Variants in ASPH observed in about 807,000 individuals in gnomAD.
ASPH encodes aspartyl/asparaginyl beta-hydroxylase.
Under a neutral mutation model 118.4 loss-of-function variants are expected in ASPH, and 100 were observed. That is an observed-to-expected ratio of 0.84 (90% CI 0.72 to 1.00). The LOEUF is 1.00. Among genes scored for constraint, ASPH ranks in the 50% least tolerant of loss-of-function variants. ASPH has a pLI of 0.00. For synonymous variants in ASPH, 315 were observed against 325.6 expected, an observed-to-expected ratio of 0.97 and a Z score of 0.35; for missense variants, 920 against 919.5, an observed-to-expected ratio of 1.00 and a Z score of -0.01.
intron 13 of ASPH, among the ~76,000 whole-genome samples, chr8:61,621,686 A>G (rs1850976295): frequency 6.6e-6 from 1 of 152,250 alleles, no homozygotes; most frequent in Non-Finnish European, 1.5e-5. Flanking sequence ...TAGAGAGGCT[A>G]AAGAATCTTG....
At position 61,687,934 on chromosome 8, in the gene ASPH, A is replaced by G. The variant is rs182914645; in HGVS notation, c.104-3746T>C. On this transcript the variant is annotated intron_variant, in intron 1 of 24. Transcript: ENST00000379454. ...AGTTCCACAAAGGAACAAAATACTA[A>G]GTTATGGAAGGGATTCTTTTTTAAG... Among the ~76,000 whole-genome samples, 498 of 152,292 alleles carry G rather than the reference A, an allele frequency of 3.3e-3. 7 individuals are homozygous for G. Among genetic ancestry groups the G allele is most frequent in the African/African-American group, 0.011 (464 of 41,570 alleles).
At position 61,548,188 on chromosome 8, in the gene ASPH, A is replaced by C; in HGVS notation, c.1647T>G (p.Leu549=). The C allele has an allele frequency of 6.2e-7, 1 of 1,613,824 alleles. No individual in the cohort carries two copies. The highest frequency in any genetic ancestry group is 8.5e-7 in the Non-Finnish European group (1 of 1,179,810). ...ATGCAAAGTGTCCTCTCTTGTGCCCAAGCTCATACCACTTATATGCCTGAA... is the reference window on the plus strand; with the variant it reads ...ATGCAAAGTGTCCTCTCTTGTGCCCCAGCTCATACCACTTATATGCCTGAA... ...GNKEAYKWYE[L]GHKRGHFASV... The change falls in exon 21 of 25, where the codon CTT becomes CTG. Residue 549 remains leucine, a synonymous_variant. Transcript: ENST00000379454.
At chr8:61,573,425 A>T (rs190198187) in intron 16 of ASPH, among the ~76,000 whole-genome samples, 35 of 152,354 alleles carry the variant, frequency 2.3e-4, no homozygotes, top group Admixed American at 2.1e-3. Context: ...AGCAAAAAGA[A>T]CAAAGCTTGG....
In ASPH at chr8:61,684,375, C is replaced by T. The variant is rs996890419; in HGVS notation, c.104-187G>A. On this transcript the variant is annotated intron_variant, in intron 1 of 24. Coordinates refer to ENST00000379454, the MANE Select transcript of ASPH (RefSeq NM_004318.4). ...GAAAACAGAAAAGATTGTTTAGATG[C>T]AACACTAACTTTGAAGTAGTGCAGG... 4 of 624,410 alleles carry T rather than the reference C, an allele frequency of 6.4e-6. No homozygotes were observed. The African/African-American group carries it at 7.3e-5, about 11-fold the overall frequency. 38.7% of individuals were successfully genotyped at this position (624,410 alleles called of 1,614,324 possible).
chr8:61,580,230 G>A (rs1201213521), intron 15 of ASPH, among the ~76,000 whole-genome samples: 1 of 152,208 alleles, frequency 6.6e-6, no homozygotes, highest in African/African-American at 2.4e-5. Flanking sequence ...CTGCAGGATG[G>A]TGGCCGTCTT....
chr8:61,549,741 T>C (rs1233932353), intron 20 of ASPH, among the ~76,000 whole-genome samples: 1 of 152,230 alleles, frequency 6.6e-6, no homozygotes, highest in Non-Finnish European at 1.5e-5. Flanking sequence ...ACAATAATAC[T>C]AAGGACAACA....
chr8:61,503,821 A>T (rs1250714353), intron 24 of ASPH, among the ~76,000 whole-genome samples: 2 of 152,260 alleles, frequency 1.3e-5, no homozygotes, highest in Non-Finnish European at 2.9e-5. Flanking sequence ...TCTTGCAATT[A>T]TTCTGGTTTA....
chr8:61,631,367 T>A (rs1039531461), intron 13 of ASPH, among the ~76,000 whole-genome samples: 3 of 152,196 alleles, frequency 2.0e-5, no homozygotes, highest in African/African-American at 7.2e-5. Flanking sequence ...TGAAGTGCCC[T>A]ATACAGGTAT....
In ASPH at chr8:61,637,941, T is replaced by C. The variant is rs111367575; in HGVS notation, c.889+6A>G. ...AGGTAAAACCACTTCCATAAATTTA[T>C]CTTACCTTCTACAATTACCTGTGAA... On this transcript the variant is annotated splice_donor_region_variant and intron_variant, in intron 12 of 24. Transcript: ENST00000379454. 3 of 1,606,494 alleles carry C rather than the reference T, an allele frequency of 1.9e-6. No homozygotes were observed. The highest frequency in any genetic ancestry group is 2.2e-5 in the South Asian group (2 of 89,448).
chr8:61,646,522 CTATT>C (rs1808062803), intron 6 of ASPH, among the ~76,000 whole-genome samples: 1 of 152,150 alleles, frequency 6.6e-6, no homozygotes, highest in Non-Finnish European at 1.5e-5. Flanking sequence ...ATTTGACTCA[CTATT>C]TATAAGAAAT....
At chr8:61,632,675 A>G (rs753459942) in intron 13 of ASPH, 1 of 495,736 alleles carries the variant, frequency 2.0e-6, no homozygotes, top group Admixed American at 2.1e-5. Context: ...GTTTCTGCAG[A>G]TAATTATTAT....
At chr8:61,582,524 G>T (rs1328176304) in intron 15 of ASPH, among the ~76,000 whole-genome samples, 2 of 152,184 alleles carry the variant, frequency 1.3e-5, no homozygotes, top group Non-Finnish European at 2.9e-5. Flanking sequence ...TAACTTTCTT[G>T]TTTACTATCA....
rs561689909 is a variant in ASPH at position 61,501,484 on chromosome 8, C to T, written c.*1875G>A. 1.8e-4 allele frequency: 27 copies of T among 152,088 alleles called. No homozygotes were observed. The highest frequency in any genetic ancestry group is 5.5e-4 in the African/African-American group (23 of 41,516). 9.4% of individuals were successfully genotyped at this position (152,088 alleles called of 1,614,324 possible). A position where few individuals can be genotyped will look rare whatever the true frequency, so the allele number is the denominator to read the frequency against. On this transcript the variant is annotated 3_prime_UTR_variant, in exon 25 of 25. Coordinates refer to ENST00000379454, the MANE Select transcript of ASPH (RefSeq NM_004318.4). ...ATGTAAGATGATGGCTCAAAAATGA[C>T]GACTTATAGTTTGAATTTATGTGTA...
intron 16 of ASPH, among the ~76,000 whole-genome samples, chr8:61,569,811 A>G (rs144670236): frequency 6.6e-6 from 1 of 152,312 alleles, no homozygotes; most frequent in East Asian, 1.9e-4. Flanking sequence ...TGTTCTCCAG[A>G]ATAGTCTTAT....
chr8:61,571,097 T>C (rs1833355118), intron 16 of ASPH, among the ~76,000 whole-genome samples: 1 of 152,244 alleles, frequency 6.6e-6, no homozygotes. Context: ...TTTCTTCCTA[T>C]AAAACCCATC....
chr8:61,679,760 A>G (rs1827044008), intron 3 of ASPH, among the ~76,000 whole-genome samples: 1 of 151,864 alleles, frequency 6.6e-6, no homozygotes, highest in African/African-American at 2.4e-5. Flanking sequence ...TAAGTTCTAC[A>G]TAATTTTGTT....
rs544015359 is a variant in ASPH, at chr8:61,708,102, T to C, written c.103+6167A>G. On this transcript the variant is annotated intron_variant, in intron 1 of 24. Transcript: ENST00000379454. ...AGGAGAGGAAAATCTAGGAATCTGA[T>C]AATGTTTCATTTCTTCGCCTATATG... 9.2e-4 allele frequency among the ~76,000 whole-genome samples: 140 copies of C among 152,340 alleles called. 2 individuals are homozygous for C. The South Asian group carries it at 0.02, about 22-fold the overall frequency.
rs565547904 is a variant in ASPH, at chr8:61,556,141, A to G, written c.1438-119T>C. ...AGCTTTGTTGTACTTGGATTGGATT[A>G]TGATGTTACAGCTGAAAACACCATA... On this transcript the variant is annotated intron_variant, in intron 18 of 24. Transcript: ENST00000379454. 3.1e-5 allele frequency: 25 copies of G among 797,326 alleles called. No homozygotes were observed. In the South Asian group the frequency reaches 4.2e-4, roughly 13 times the overall value. 49.4% of individuals were successfully genotyped at this position (797,326 alleles called of 1,614,324 possible).
At chr8:61,573,110 C>T (rs992141072) in intron 16 of ASPH, among the ~76,000 whole-genome samples, 4 of 152,144 alleles carry the variant, frequency 2.6e-5, no homozygotes, top group Non-Finnish European at 4.4e-5. Flanking sequence ...CTCCCGTTCA[C>T]GATTGCTTCA....
Sources: gnomAD v4.1 joint callset for allele counts (sites outside exome capture counted in the v4.1 genomes callset) on GRCh38, gnomAD v4.1.1 for gene constraint, MANE v1.5 for transcripts, NCBI Gene and HGNC (gene_info 2026-07-23, HGNC 2026-07-21) for gene names.